The following NCALD variants were observed in gnomAD, a reference collection of about 807,000 sequenced individuals.
NCALD encodes the protein neurocalcin delta.
Under a neutral mutation model 18.6 loss-of-function variants are expected in NCALD, and 10 were observed. That is an observed-to-expected ratio of 0.54 (90% CI 0.33 to 0.91). The LOEUF (loss-of-function observed/expected upper bound fraction) is 0.91, where lower values mean the gene tolerates loss of function less well. Ranked by LOEUF, NCALD falls within the 40% of genes least tolerant of loss-of-function variation. The probability of loss-of-function intolerance (pLI) is 0.03; values close to 1 mark genes in which losing one functional copy is unlikely to be tolerated. For missense variants in NCALD, 184 were observed against 247.6 expected, an observed-to-expected ratio of 0.74 and a Z score of 1.72; for synonymous variants, 88 against 87.4, an observed-to-expected ratio of 1.01 and a Z score of -0.04.
chr8:101,714,258 C>T (rs1187545278), intron 2 of NCALD, among the ~76,000 whole-genome samples: 1 of 152,152 alleles, frequency 6.6e-6, no homozygotes, highest in African/African-American at 2.4e-5. Flanking sequence ...ATCTCAGCCC[C>T]AAAACTCCTT....
intron 2 of NCALD, among the ~76,000 whole-genome samples, chr8:101,976,873 T>C (rs1820442040): frequency 6.6e-6 from 1 of 151,942 alleles, no homozygotes; most frequent in Non-Finnish European, 1.5e-5. Context: ...GTAAGTGCTA[T>C]GAAGGAGAAA....
chr8:101,867,545 G>A (rs540906697), intron 4 of NCALD, among the ~76,000 whole-genome samples: 2 of 152,290 alleles, frequency 1.3e-5, no homozygotes, highest in South Asian at 2.1e-4. Flanking sequence ...CCACAGAAAA[G>A]CTTCCAATTT....
rs567521983 is a variant in NCALD at position 101,874,632 on chromosome 8, G to C, written c.-20+12509C>G. Among the ~76,000 whole-genome samples the C allele has an allele frequency of 1.6e-4, 22 of 136,992 alleles. No homozygotes were observed. The South Asian group carries it at 5.3e-3, about 33-fold the overall frequency. 89.9% of individuals were successfully genotyped at this position (136,992 alleles called of 152,430 possible). On this transcript the variant is annotated intron_variant, in intron 4 of 6. Coordinates refer to the NCALD transcript ENST00000311028. ...ACCTCACTGTAACCTCCAACTCTTG[G>C]GCTCAAGTGATCCTCCTGAACAGCA...
At chr8:101,943,948 C>G (rs1819061624) in intron 2 of NCALD, among the ~76,000 whole-genome samples, 1 of 146,918 alleles carries the variant, frequency 6.8e-6, no homozygotes, top group Admixed American at 6.8e-5. Flanking sequence ...CTCAAAAAAA[C>G]AAAACAAAAA....
chr8:101,844,544 A>G (rs1290677065), intron 4 of NCALD, among the ~76,000 whole-genome samples: 1 of 151,934 alleles, frequency 6.6e-6, no homozygotes, highest in Non-Finnish European at 1.5e-5. Context: ...TATTTTTCGT[A>G]GAGACAGGGT....
At chr8:101,740,327 A>G (rs1029938409) in intron 1 of NCALD, among the ~76,000 whole-genome samples, 2 of 152,236 alleles carry the variant, frequency 1.3e-5, no homozygotes, top group Non-Finnish European at 2.9e-5. Flanking sequence ...ACTTTCACAT[A>G]CACTATTTCA....
intron 1 of NCALD, among the ~76,000 whole-genome samples, chr8:102,057,254 T>TCACACACACA (rs1586992999): frequency 1.7e-5 from 1 of 60,054 alleles, no homozygotes; most frequent in African/African-American, 6.5e-5. Flanking sequence ...CTTGGCTAGT[T>TCACACACACA]CATACACACA....
intron 4 of NCALD, among the ~76,000 whole-genome samples, chr8:101,822,290 A>G (rs1775560400): frequency 6.6e-6 from 1 of 152,188 alleles, no homozygotes; most frequent in South Asian, 2.1e-4. Context: ...CCAAGTGAAC[A>G]TTTATTCATT....
At chr8:101,854,746 A>G (rs1440258) in intron 4 of NCALD, among the ~76,000 whole-genome samples, 2,043 of 152,328 alleles carry the variant, frequency 0.013, 55 homozygotes, top group African/African-American at 0.044. Flanking sequence ...ATAACAACAT[A>G]TTTTGATATA....
chr8:101,845,004 A>G (rs1008195541), intron 4 of NCALD, among the ~76,000 whole-genome samples: 2 of 152,110 alleles, frequency 1.3e-5, no homozygotes, highest in African/African-American at 2.4e-5. Flanking sequence ...TATACCATAG[A>G]CCTCAATTAA....
At chr8:101,823,996 A>C (rs1813828192) in intron 4 of NCALD, among the ~76,000 whole-genome samples, 1 of 152,218 alleles carries the variant, frequency 6.6e-6, no homozygotes, top group Non-Finnish European at 1.5e-5. Flanking sequence ...TGTCAAAAGG[A>C]AACAATGCAA....
At chr8:102,106,223 G>A (rs552449765) in intron 1 of NCALD, among the ~76,000 whole-genome samples, 7 of 151,536 alleles carry the variant, frequency 4.6e-5, no homozygotes, top group Non-Finnish European at 8.8e-5. Context: ...GTGTGCACCA[G>A]CATGCCTGGC....
chr8:101,798,006 T>C (rs991856341), intron 4 of NCALD, among the ~76,000 whole-genome samples: 11 of 152,184 alleles, frequency 7.2e-5, no homozygotes, highest in Admixed American at 2.0e-4. Context: ...GTGAGAGGAA[T>C]GTCCTTATCT....
intron 4 of NCALD, among the ~76,000 whole-genome samples, chr8:101,800,488 A>G (rs1812798554): frequency 6.6e-6 from 1 of 152,076 alleles, no homozygotes; most frequent in South Asian, 2.1e-4. Context: ...ATAATAATAG[A>G]AAGAAATGGT....
intron 1 of NCALD, among the ~76,000 whole-genome samples, chr8:101,741,981 C>T (rs942698218): frequency 9.6e-5 from 13 of 135,866 alleles, no homozygotes; most frequent in Middle Eastern, 5.1e-3. Flanking sequence ...GGGCCGGGTG[C>T]GGTGGCTCAC....
intron 2 of NCALD, among the ~76,000 whole-genome samples, chr8:101,703,266 CA>C (rs1815356431): frequency 6.6e-6 from 1 of 151,860 alleles, no homozygotes; most frequent in Non-Finnish European, 1.5e-5. Flanking sequence ...TTGTCTTATT[CA>C]TCTTTGTATG....
rs535845144 is a variant in NCALD at position 101,759,051 on chromosome 8, G to A, written c.-20+31811C>T. 7.2e-5 allele frequency among the ~76,000 whole-genome samples: 11 copies of A among 152,220 alleles called. No homozygotes were observed. The East Asian group carries it at 2.1e-3, about 29-fold the overall frequency. ...TTTTTAACTCATTTATAGGAACCTG[G>A]CATTGTGATATTCGTGACAACCATC... On this transcript the variant is annotated intron_variant, in intron 1 of 3. Coordinates refer to ENST00000220931, the MANE Select transcript of NCALD (RefSeq NM_032041.3).
intron 1 of NCALD, among the ~76,000 whole-genome samples, chr8:101,785,469 C>G (rs1207520387): frequency 6.6e-6 from 1 of 152,142 alleles, no homozygotes; most frequent in East Asian, 1.9e-4. Flanking sequence ...GTGGTAGAAA[C>G]AGGCCCCTGA....
intron 3 of NCALD, among the ~76,000 whole-genome samples, chr8:101,907,177 A>G (rs1211043446): frequency 6.6e-6 from 1 of 152,194 alleles, no homozygotes; most frequent in Non-Finnish European, 1.5e-5. Flanking sequence ...ATTTTGCACA[A>G]AAGCAAATGT....
Sources: allele counts gnomAD v4.1 joint callset (sites outside exome capture counted in the v4.1 genomes callset), GRCh38; gene constraint gnomAD v4.1.1; transcripts MANE v1.5; gene names NCBI Gene and HGNC (gene_info 2026-07-23, HGNC 2026-07-21).